Variants in AGBL4 observed in about 807,000 individuals in gnomAD.
AGBL4 encodes the protein AGBL carboxypeptidase 4, also known as cytosolic carboxypeptidase 6.
A neutral mutation model predicts 66.4 loss-of-function variants in AGBL4; 58 were observed. The observed-to-expected ratio is 0.87, with a 90% CI of 0.71 to 1.09. AGBL4 has a LOEUF of 1.09. Among genes scored for constraint, AGBL4 ranks in the 50% least tolerant of loss-of-function variants. The probability of loss-of-function intolerance (pLI) is 0.00; values close to 1 mark genes in which losing one functional copy is unlikely to be tolerated. For missense variants in AGBL4, 579 were observed against 631.0 expected, an observed-to-expected ratio of 0.92 and a Z score of 0.88; for synonymous variants, 234 against 222.9, an observed-to-expected ratio of 1.05 and a Z score of -0.44.
At chr1:49,897,497 G>C (rs754189215) in intron 1 of AGBL4, among the ~76,000 whole-genome samples, 23 of 151,866 alleles carry the variant, frequency 1.5e-4, no homozygotes, top group Admixed American at 1.2e-3. Context: ...TCATGCATTG[G>C]AAGAATCAAT....
chr1:48,664,498 A>C (rs762972729), intron 6 of AGBL4, among the ~76,000 whole-genome samples: 16 of 152,242 alleles, frequency 1.1e-4, no homozygotes, highest in Admixed American at 6.5e-5. Flanking sequence ...CTTTAAAACA[A>C]GTCTCAAAAG....
At chr1:49,135,960 C>T (rs1646002113) in intron 4 of AGBL4, among the ~76,000 whole-genome samples, 1 of 152,128 alleles carries the variant, frequency 6.6e-6, no homozygotes, top group African/African-American at 2.4e-5. Flanking sequence ...TGTGAGACCA[C>T]AGGTGATTTT....
chr1:49,874,023 G>A (rs1208214520), intron 1 of AGBL4, among the ~76,000 whole-genome samples: 1 of 152,008 alleles, frequency 6.6e-6, no homozygotes, highest in Non-Finnish European at 1.5e-5. Flanking sequence ...ATGGACATCA[G>A]GGTAGACATA....
chr1:49,562,733 C>G (rs1396793661), intron 3 of AGBL4, among the ~76,000 whole-genome samples: 2 of 152,078 alleles, frequency 1.3e-5, no homozygotes, highest in Non-Finnish European at 2.9e-5. Flanking sequence ...AGTTTGAAGT[C>G]AGGTAGCGTG....
chr1:48,942,315 G>T (rs534632641), intron 5 of AGBL4, among the ~76,000 whole-genome samples: 29 of 152,030 alleles, frequency 1.9e-4, no homozygotes, highest in Middle Eastern at 3.4e-3. Flanking sequence ...TGTGGTGGGG[G>T]GGGGGGGTTG....
chr1:49,073,292 G>T (rs555239097), intron 4 of AGBL4, among the ~76,000 whole-genome samples: 17 of 152,246 alleles, frequency 1.1e-4, no homozygotes, highest in Non-Finnish European at 2.2e-4. Flanking sequence ...TCCCTGGCTT[G>T]CAAGGAGTTG....
At position 48,539,742 on chromosome 1, in the gene AGBL4, C is replaced by T; in HGVS notation, c.1268-4G>A. On this transcript the variant is annotated splice_polypyrimidine_tract_variant and splice_region_variant and intron_variant, in intron 11 of 13. Coordinates refer to ENST00000371839, the MANE Select transcript of AGBL4 (RefSeq NM_032785.4). ...ACATTCCGCCCCAGCTTCATATCTG[C>T]AGGTGTGTGCATTAAGGAGCAACTT... is the stretch of plus-strand genomic sequence containing the variant. 6.6e-7 allele frequency: 1 copy of T among 1,519,736 alleles called. No homozygotes were observed. The highest frequency in any genetic ancestry group is 8.9e-7 in the Non-Finnish European group (1 of 1,126,540). 94.1% of individuals were successfully genotyped at this position (1,519,736 alleles called of 1,614,324 possible). A position where few individuals can be genotyped will look rare whatever the true frequency, so the allele number is the denominator to read the frequency against.
rs528895632 is a variant in AGBL4, at chr1:49,259,196, A to G, written c.283-13332T>C. Among the ~76,000 whole-genome samples the G allele has an allele frequency of 2.0e-5, 3 of 152,302 alleles. No individual in the cohort carries two copies. In the South Asian group the frequency reaches 6.2e-4, roughly 32 times the overall value. On this transcript the variant is annotated intron_variant, in intron 3 of 13. Coordinates refer to ENST00000371839, the MANE Select transcript of AGBL4 (RefSeq NM_032785.4). ...AGGAGCAACCAGTACCAGCCACTGCAAAATCATGCCAAAATGTAAAGACCA... is the reference window on the plus strand; with the variant it reads ...AGGAGCAACCAGTACCAGCCACTGCGAAATCATGCCAAAATGTAAAGACCA...
At chr1:49,691,164 T>A (rs1188584400) in intron 3 of AGBL4, 1 of 152,186 alleles carries the variant, frequency 6.6e-6, no homozygotes, top group African/African-American at 2.4e-5. Flanking sequence ...AGTAGTAATC[T>A]GTTGTGGTGG....
chr1:48,997,820 T>C (rs1661129784), intron 5 of AGBL4, among the ~76,000 whole-genome samples: 1 of 152,232 alleles, frequency 6.6e-6, no homozygotes, highest in African/African-American at 2.4e-5. Flanking sequence ...GCTTGATAAA[T>C]GGATATTGCC....
At chr1:48,744,575 G>A (rs1175292506) in intron 6 of AGBL4, among the ~76,000 whole-genome samples, 1 of 152,180 alleles carries the variant, frequency 6.6e-6, no homozygotes, top group Admixed American at 6.5e-5. Context: ...GCAAGAACAT[G>A]TCTTTCCTCT....
At chr1:49,437,168 C>A (rs142303477) in intron 3 of AGBL4, among the ~76,000 whole-genome samples, 1 of 152,096 alleles carries the variant, frequency 6.6e-6, no homozygotes, top group Non-Finnish European at 1.5e-5. Flanking sequence ...ATCTACCCTG[C>A]TTTTTTCCAT....
intron 1 of AGBL4, among the ~76,000 whole-genome samples, chr1:50,008,704 A>G (rs184120492): frequency 1.3e-5 from 2 of 152,124 alleles, no homozygotes; most frequent in East Asian, 3.9e-4. Context: ...ATAAAAGATT[A>G]ACAAAACAAA....
intron 3 of AGBL4, among the ~76,000 whole-genome samples, chr1:49,470,951 A>C (rs1570797513): frequency 6.6e-6 from 1 of 151,714 alleles, no homozygotes; most frequent in East Asian, 1.9e-4. Context: ...AAAACCAAAA[A>C]CCCTCTTCAG....
chr1:49,560,060 A>C (rs1643998201), intron 3 of AGBL4, among the ~76,000 whole-genome samples: 1 of 152,094 alleles, frequency 6.6e-6, no homozygotes, highest in South Asian at 2.1e-4. Context: ...TACCTCTTCA[A>C]TGGCCAGACA....
intron 3 of AGBL4, among the ~76,000 whole-genome samples, chr1:49,570,295 T>A (rs1424151816): frequency 6.6e-6 from 1 of 152,176 alleles, no homozygotes; most frequent in Non-Finnish European, 1.5e-5. Context: ...TTCTATCTCA[T>A]TGTGGTTTTA....
intron 1 of AGBL4, among the ~76,000 whole-genome samples, chr1:49,963,292 G>A (rs554661847): frequency 6.6e-6 from 1 of 152,222 alleles, no homozygotes; most frequent in Non-Finnish European, 1.5e-5. Flanking sequence ...TGTTAAGGAT[G>A]CAGTCATGTA....
intron 4 of AGBL4, among the ~76,000 whole-genome samples, chr1:49,122,211 C>G (rs1420079000): frequency 6.6e-6 from 1 of 152,218 alleles, no homozygotes; most frequent in African/African-American, 2.4e-5. Flanking sequence ...CCTCCATGGG[C>G]TGCATCCACT....
intron 1 of AGBL4, among the ~76,000 whole-genome samples, chr1:49,866,405 C>T (rs1431794756): frequency 6.6e-6 from 1 of 152,144 alleles, no homozygotes; most frequent in Non-Finnish European, 1.5e-5. Context: ...AGACTAAAAG[C>T]AGACCTCTCA....
Sources: allele counts gnomAD v4.1 joint callset (sites outside exome capture counted in the v4.1 genomes callset), GRCh38; gene constraint gnomAD v4.1.1; transcripts MANE v1.5; gene names NCBI Gene and HGNC (gene_info 2026-07-23, HGNC 2026-07-21).